Variants in EIF4E3 observed in about 807,000 individuals in gnomAD.
EIF4E3 encodes the protein eukaryotic translation initiation factor 4E family member 3.
In EIF4E3, 26 loss-of-function variants were observed where a neutral mutation model predicts 31.7. That is an observed-to-expected ratio of 0.82 (90% CI 0.60 to 1.14). The LOEUF (loss-of-function observed/expected upper bound fraction) is 1.14, where lower values mean the gene tolerates loss of function less well. Ranked by LOEUF, EIF4E3 falls within the 50% of genes most tolerant of loss-of-function variation. The probability of loss-of-function intolerance (pLI) is 0.00; values close to 1 mark genes in which losing one functional copy is unlikely to be tolerated. For synonymous variants in EIF4E3, 128 were observed against 107.7 expected (o/e 1.19, Z -1.17); for missense variants, 304 against 270.9 (o/e 1.12, Z -0.86).
chr3:71,666,457 C>A, the EIF4E3 span, among the ~76,000 whole-genome samples: 1 of 151,768 alleles, frequency 6.6e-6, no homozygotes. Context: ...AATTAATAGC[C>A]TACCTCCCAA....
At chr3:71,726,623 A>G (rs2049642397), upstream of EIF4E3, among the ~76,000 whole-genome samples, 1 of 152,212 alleles carries the variant, frequency 6.6e-6, no homozygotes, top group South Asian at 2.1e-4. Context: ...GCTGGGATGG[A>G]AGAGCTACAA....
chr3:71,725,247 G>A lies in EIF4E3; in HGVS notation c.121C>T (p.Gln41Ter). Reference protein sequence around the residue: ...PLGLQQLSALQPEPGGVPLHS... With the variant: ...PLGLQQLSAL ...AGCGGGACCCCGCCCGGCTCAGGCT[G>A]CAGCGCCGACAGCTGCTGCAGGCCG... The change falls in exon 1 of 7, where the codon CAG (glutamine) becomes TAG (stop). Residue 41 changes from glutamine to a stop codon, truncating the protein, a stop_gained. Transcript: ENST00000425534. LOFTEE classifies it high-confidence loss of function. This position sits in a 1 kb window ranked among gnomAD's most constrained non-coding sequence, Gnocchi z 6.1. 9.1e-7 allele frequency: 1 copy of A among 1,100,978 alleles called. No homozygotes were observed. The allele number at this position is 1,100,978 out of a possible 1,614,324, so 68.2% of individuals were successfully genotyped here.
chr3:71,710,514 A>T, intron 1 of EIF4E3, 30 bp from the exon 2 acceptor site: 1 of 1,550,672 alleles, frequency 6.4e-7, no homozygotes, highest in Non-Finnish European at 8.7e-7. Flanking sequence ...ACAAAGACAC[A>T]AACAAAACAA....
At chr3:71,711,518 T>C (rs981924274) in intron 1 of EIF4E3, among the ~76,000 whole-genome samples, 4 of 152,204 alleles carry the variant, frequency 2.6e-5, no homozygotes, top group Non-Finnish European at 5.9e-5. Context: ...TTGTACTTCC[T>C]GGACAGTTGC....
chr3:71,703,547 G>A (rs1269600930), intron 2 of EIF4E3, among the ~76,000 whole-genome samples: 1 of 152,166 alleles, frequency 6.6e-6, no homozygotes, highest in Non-Finnish European at 1.5e-5. Flanking sequence ...CCATTAATAT[G>A]CTGACCACTT....
rs958987730 is a variant in EIF4E3 at position 71,710,592 on chromosome 3, C to A, written c.177-108G>T. 9 of 1,085,054 alleles carry A rather than the reference C, an allele frequency of 8.3e-6. No individual in the cohort carries two copies. In the African/African-American group the frequency reaches 1.4e-4, roughly 17 times the overall value. 67.2% of individuals were successfully genotyped at this position (1,085,054 alleles called of 1,614,324 possible). A position where few individuals can be genotyped will look rare whatever the true frequency, so the allele number is the denominator to read the frequency against. ...GTCTTCCTAAAAATCAGGTCTCAAACCACAGGACTGGACATTTTGGGGATG... is the reference window on the plus strand; with the variant it reads ...GTCTTCCTAAAAATCAGGTCTCAAAACACAGGACTGGACATTTTGGGGATG... On this transcript the variant is annotated intron_variant, in intron 1 of 6. Transcript: ENST00000425534.
chr3:71,726,746 C>A (rs964939165), upstream of EIF4E3, among the ~76,000 whole-genome samples: 3 of 152,174 alleles, frequency 2.0e-5, no homozygotes, highest in Non-Finnish European at 4.4e-5. Flanking sequence ...ATAATAAAAA[C>A]AAGACCGCTG....
intron 5 of EIF4E3, 56 bp from the exon 6 acceptor site, chr3:71,690,221 T>C (rs953552910): frequency 9.7e-5 from 146 of 1,504,010 alleles, no homozygotes; most frequent in Non-Finnish European, 1.2e-4. Flanking sequence ...TCAGTCTGAC[T>C]GTTTCTAAGA....
chr3:71,747,302 C>T (rs1359762145), intron 1 of EIF4E3, among the ~76,000 whole-genome samples: 2 of 152,176 alleles, frequency 1.3e-5, no homozygotes, highest in African/African-American at 2.4e-5. Flanking sequence ...TTATCATCTA[C>T]ATTTTTGATA....
chr3:71,688,495 C>A (rs1374334020), intron 6 of EIF4E3, among the ~76,000 whole-genome samples: 2 of 152,146 alleles, frequency 1.3e-5, no homozygotes, highest in Admixed American at 6.5e-5. Flanking sequence ...GTGACTTGCT[C>A]AAGGTCACAC....
At chr3:71,660,519 T>C in the EIF4E3 span, among the ~76,000 whole-genome samples, 1 of 152,096 alleles carries the variant, frequency 6.6e-6, no homozygotes, top group African/African-American at 2.4e-5. Context: ...GAGAGCGACA[T>C]CTGAATAGAC....
At chr3:71,669,167 G>A in the EIF4E3 span, among the ~76,000 whole-genome samples, 3 of 144,714 alleles carry the variant, frequency 2.1e-5, no homozygotes, top group Non-Finnish European at 4.5e-5. Context: ...AACACCACAT[G>A]TTCTCACTTA....
chr3:71,750,258 G>A (rs1348211830), intron 1 of EIF4E3, among the ~76,000 whole-genome samples: 1 of 152,060 alleles, frequency 6.6e-6, no homozygotes, highest in Non-Finnish European at 1.5e-5. Flanking sequence ...AAATCATTTG[G>A]TCCAACGTCC....
chr3:71,715,349 A>T (rs1311805264), intron 1 of EIF4E3, among the ~76,000 whole-genome samples: 1 of 152,270 alleles, frequency 6.6e-6, no homozygotes, highest in Non-Finnish European at 1.5e-5. Context: ...GCCACTGGGG[A>T]TACAATGGTG....
chr3:71,729,797 A>ACTGTGTGTGTGTGTGT (rs2049683131), upstream of EIF4E3, among the ~76,000 whole-genome samples: 1 of 52,256 alleles, frequency 1.9e-5, no homozygotes, highest in Non-Finnish European at 3.5e-5. Context: ...ATTCCAATAG[A>ACTGTGTGTGTGTGTGT]ATGTGTGTGT....
chr3:71,720,372 T>A (rs974927705), intron 1 of EIF4E3, among the ~76,000 whole-genome samples: 6 of 151,948 alleles, frequency 3.9e-5, no homozygotes, highest in East Asian at 1.9e-4. Context: ...ATTTTTTTTT[T>A]AAAATAGAGA....
At chr3:71,663,470 G>T in the EIF4E3 span, among the ~76,000 whole-genome samples, 1 of 152,196 alleles carries the variant, frequency 6.6e-6, no homozygotes, top group African/African-American at 2.4e-5. Context: ...GACAAAGATT[G>T]GTAACAGTCC....
chr3:71,704,193 G>A (rs959079184), intron 2 of EIF4E3, among the ~76,000 whole-genome samples: 4 of 152,250 alleles, frequency 2.6e-5, no homozygotes, highest in Non-Finnish European at 5.9e-5. Flanking sequence ...GTGACAGGAT[G>A]TGAGGGTAAT....
At chr3:71,688,049 T>C (rs1011005173) in intron 6 of EIF4E3, among the ~76,000 whole-genome samples, 5 of 152,072 alleles carry the variant, frequency 3.3e-5, no homozygotes, top group Non-Finnish European at 7.4e-5. Context: ...ATTTGAACAA[T>C]CTTTGAGTTT....
Sources: gnomAD v4.1 joint callset for allele counts (sites outside exome capture counted in the v4.1 genomes callset) on GRCh38, gnomAD v4.1.1 for gene constraint, Gnocchi (gnomAD v3.1) non-coding constraint, MANE v1.5 for transcripts, NCBI Gene and HGNC (gene_info 2026-07-23, HGNC 2026-07-21) for gene names.